The following PGR variants were observed in gnomAD, a reference collection of about 807,000 sequenced individuals.
PGR encodes the protein nuclear receptor subfamily 3 group C member 3.
A neutral mutation model predicts 76.1 loss-of-function variants in PGR; 25 were observed. The ratio of observed to expected loss-of-function variants is 0.33; its 90% CI spans 0.24 to 0.46. The LOEUF (loss-of-function observed/expected upper bound fraction) is 0.46, where lower values mean the gene tolerates loss of function less well. Among genes scored for constraint, PGR ranks in the 20% least tolerant of loss-of-function variants. The pLI, the probability that PGR is intolerant of heterozygous loss-of-function variation, is 1.00. For missense variants in PGR, 1,172 were observed against 1,225.3 expected, an observed-to-expected ratio of 0.96 and a Z score of 0.65; for synonymous variants, 579 against 535.0, an observed-to-expected ratio of 1.08 and a Z score of -1.14.
intron 3 of PGR, 85 bp downstream of exon 3, chr11:101,091,675 T>C (rs1410709359): frequency 2.5e-6 from 2 of 800,676 alleles, no homozygotes; most frequent in Non-Finnish European, 4.4e-6. Context: ...AAAACAAAGA[T>C]GAATAAGAAA....
In PGR at chr11:101,062,451, C is replaced by A; in HGVS notation, c.2208G>T (p.Leu736Phe). The A allele has an allele frequency of 1.2e-6, 2 of 1,610,384 alleles. No individual in the cohort carries two copies. Among genetic ancestry groups the A allele is most frequent in the Non-Finnish European group, 1.7e-6 (2 of 1,176,774 alleles). The change falls in exon 4 of 8, where the codon TTG (leucine) becomes TTT (phenylalanine). Residue 736 changes from leucine to phenylalanine, a missense_variant. Leu to Phe is a conservative substitution (Grantham distance 22). Coordinates refer to ENST00000325455, the MANE Select transcript of PGR (RefSeq NM_000926.4). ...GTATATAAAAATTATTATTACCTGGCAATGATTTAGACCACTTGACTACTG... is the reference window on the plus strand; with the variant it reads ...GTATATAAAAATTATTATTACCTGGAAATGATTTAGACCACTTGACTACTG... ...LLSVVKWSKSLPGFRNLHIDD... is the reference protein window; with the variant it reads ...LLSVVKWSKSFPGFRNLHIDD...
At chr11:101,107,444 T>C (rs547128381) in intron 2 of PGR, among the ~76,000 whole-genome samples, 8 of 152,304 alleles carry the variant, frequency 5.3e-5, no homozygotes, top group South Asian at 2.1e-4. Context: ...TTAGTTATAA[T>C]TGACATCCAT....
At chr11:101,092,566 C>A (rs1032094322) in intron 2 of PGR, among the ~76,000 whole-genome samples, 1 of 152,100 alleles carries the variant, frequency 6.6e-6, no homozygotes, top group African/African-American at 2.4e-5. Flanking sequence ...CAATACACAT[C>A]GCACATCACC....
intron 2 of PGR, among the ~76,000 whole-genome samples, chr11:101,119,438 G>A (rs533412777): frequency 8.4e-4 from 127 of 151,486 alleles, no homozygotes; most frequent in Admixed American, 3.5e-3. Flanking sequence ...TGTGATTTTC[G>A]GCTAATAATG....
chr11:101,053,952 G>A (rs1399315277), intron 4 of PGR, among the ~76,000 whole-genome samples: 1 of 152,088 alleles, frequency 6.6e-6, no homozygotes, highest in East Asian at 1.9e-4. Context: ...TTGGGGCATA[G>A]GTTTGGCCCA....
intron 2 of PGR, among the ~76,000 whole-genome samples, chr11:101,112,719 A>G (rs1043319982): frequency 7.9e-5 from 12 of 152,110 alleles, no homozygotes; most frequent in Non-Finnish European, 1.8e-4. Context: ...CAGTTATGAA[A>G]AGCTTCTTTT....
At position 101,033,567 on chromosome 11, in the gene PGR, T is replaced by C. The variant is rs1859416772; in HGVS notation, c.*5549A>G. 5.1e-6 allele frequency: 1 copy of C among 195,244 alleles called. No homozygotes were observed. Among genetic ancestry groups the C allele is most frequent in the African/African-American group, 2.3e-5 (1 of 43,308 alleles). The allele number at this position is 195,244 out of a possible 1,614,324, so 12.1% of individuals were successfully genotyped here. A position where few individuals can be genotyped will look rare whatever the true frequency, so the allele number is the denominator to read the frequency against. ...CAAATCTGTGTGGATATAATTGTTA[T>C]TCATGCTGCTCAGCAGCTTTCATTG... On this transcript the variant is annotated 3_prime_UTR_variant, in exon 8 of 8. Transcript: ENST00000325455.
chr11:101,062,816 T>C, intron 3 of PGR, 64 bp from the exon 4 acceptor site: 1 of 1,117,374 alleles, frequency 8.9e-7, no homozygotes, highest in Non-Finnish European at 1.3e-6. Flanking sequence ...CAGTATAGTA[T>C]TATTTTTCCT....
chr11:101,057,069 C>A (rs1434131906), intron 4 of PGR, among the ~76,000 whole-genome samples: 1 of 152,112 alleles, frequency 6.6e-6, no homozygotes, highest in African/African-American at 2.4e-5. Flanking sequence ...GCTGTTTCTG[C>A]CTTTAACACT....
chr11:101,074,987 T>A (rs1424690391), intron 3 of PGR, among the ~76,000 whole-genome samples: 2 of 152,158 alleles, frequency 1.3e-5, no homozygotes, highest in African/African-American at 4.8e-5. Flanking sequence ...AAATTTCCTA[T>A]GGAACCAAAA....
At chr11:101,070,295 G>T (rs924006874) in intron 3 of PGR, among the ~76,000 whole-genome samples, 1 of 152,192 alleles carries the variant, frequency 6.6e-6, no homozygotes, top group African/African-American at 2.4e-5. Flanking sequence ...TTCCGGCCCA[G>T]ATACTATGCT....
chr11:101,082,229 C>T (rs1424615241), intron 3 of PGR, among the ~76,000 whole-genome samples: 2 of 152,152 alleles, frequency 1.3e-5, no homozygotes, highest in East Asian at 3.9e-4. Context: ...AGCTATGCTT[C>T]CTGTTAAGCC....
At chr11:101,092,353 A>G (rs972708511) in intron 2 of PGR, among the ~76,000 whole-genome samples, 11 of 152,234 alleles carry the variant, frequency 7.2e-5, no homozygotes, top group African/African-American at 2.4e-4. Flanking sequence ...GCTTAGTTCT[A>G]TTGGAAAAAT....
chr11:101,036,720 G>T lies in PGR; in HGVS notation c.*2396C>A, dbSNP rs11571286. On this transcript the variant is annotated 3_prime_UTR_variant, in exon 8 of 8. Coordinates refer to ENST00000325455, the MANE Select transcript of PGR (RefSeq NM_000926.4). ...TACATTGCAGACAGAGATCAACATC[G>T]AAGATATCAAACATTTTAACAAAAG... 5.0e-6 allele frequency: 1 copy of T among 201,498 alleles called. No homozygotes were observed. The allele number at this position is 201,498 out of a possible 1,614,324, so 12.5% of individuals were successfully genotyped here. A position where few individuals can be genotyped will look rare whatever the true frequency, so the allele number is the denominator to read the frequency against.
intron 2 of PGR, among the ~76,000 whole-genome samples, chr11:101,112,292 T>A (rs964404901): frequency 3.9e-5 from 6 of 152,106 alleles, no homozygotes; most frequent in Non-Finnish European, 8.8e-5. Context: ...TATTTTAAGA[T>A]GAGAAAAGGA....
At position 101,074,171 on chromosome 11, in the gene PGR, C is replaced by T. The variant is rs13377209; in HGVS notation, c.1907-11419G>A. 3.6e-3 allele frequency among the ~76,000 whole-genome samples: 548 copies of T among 152,268 alleles called. 4 individuals are homozygous for T. The highest frequency in any genetic ancestry group is 0.012 in the African/African-American group (519 of 41,548). ...TCCCTGAGATGAAAGCCTGGATCAA[C>T]ATACGCACATTAATAAACGTAATCC... On this transcript the variant is annotated intron_variant, in intron 3 of 7. Transcript: ENST00000325455.
intron 3 of PGR, among the ~76,000 whole-genome samples, chr11:101,064,767 C>A (rs1565340305): frequency 6.6e-6 from 1 of 152,176 alleles, no homozygotes; most frequent in Admixed American, 6.5e-5. Context: ...TCTTTATTAT[C>A]TGTTGCTGTA....
intron 2 of PGR, among the ~76,000 whole-genome samples, chr11:101,122,318 C>T (rs1862705633): frequency 6.6e-6 from 1 of 152,148 alleles, no homozygotes; most frequent in Non-Finnish European, 1.5e-5. Flanking sequence ...CTGAGTAAAG[C>T]ATCCAAAAAA....
At chr11:101,051,034 C>A in intron 5 of PGR, 1 of 189,914 alleles carries the variant, frequency 5.3e-6, no homozygotes, top group East Asian at 1.5e-4. Flanking sequence ...AAATATTTAT[C>A]TTTCAATTTT....
Sources: allele counts gnomAD v4.1 joint callset (sites outside exome capture counted in the v4.1 genomes callset), GRCh38; gene constraint gnomAD v4.1.1; transcripts MANE v1.5; gene names NCBI Gene and HGNC (gene_info 2026-07-23, HGNC 2026-07-21).